OR9G4: variants seen among roughly 807,000 people sequenced by gnomAD.
The protein encoded by OR9G4 is olfactory receptor 9G4.
In OR9G4, 19 loss-of-function variants were observed where a neutral mutation model predicts 16.7. The observed-to-expected ratio is 1.14, with a 90% CI of 0.79 to 1.67. OR9G4 has a LOEUF of 1.67. OR9G4 is among the 40% of genes most tolerant of loss of function. The pLI, the probability that OR9G4 is intolerant of heterozygous loss-of-function variation, is 0.00. For missense variants in OR9G4, 428 were observed against 370.4 expected (o/e 1.16, Z -1.28); for synonymous variants, 182 against 146.2 (o/e 1.24, Z -1.76).
Position 56,742,664 on chromosome 11 carries a change from T to A in OR9G4, c.*164A>T, listed in dbSNP as rs1280878330. 5 of 632,098 alleles carry A rather than the reference T, an allele frequency of 7.9e-6. No homozygotes were observed. The East Asian group carries it at 1.4e-4, about 17-fold the overall frequency. 39.2% of individuals were successfully genotyped at this position (632,098 alleles called of 1,614,324 possible). A position where few individuals can be genotyped will look rare whatever the true frequency, so the allele number is the denominator to read the frequency against. ...ATAAGTTTTAAATATTACTTTGTTTTGTTTACATCATAACAAACGAATAAC... is the reference window on the plus strand; with the variant it reads ...ATAAGTTTTAAATATTACTTTGTTTAGTTTACATCATAACAAACGAATAAC... On this transcript the variant is annotated 3_prime_UTR_variant, in exon 2 of 2. Transcript: ENST00000641668.
intron 1 of OR9G4, 159 bp from the exon 2 acceptor site, chr11:56,743,947 G>A: frequency 1.3e-6 from 1 of 743,710 alleles, no homozygotes; most frequent in East Asian, 2.6e-5. Flanking sequence ...AAAATTACTG[G>A]AATTGGAGTC....
At position 56,743,274 on chromosome 11, in the gene OR9G4, G is replaced by A. The variant is rs145468151; in HGVS notation, c.493C>T (p.Arg165Cys). Residue 165 changes from arginine (R) to cysteine (C), a missense_variant, in exon 2 of 2, where the codon CGC becomes TGC. Transcript: ENST00000641668. Reference protein sequence around the residue: ...NAIAHTANTFRLHFCGKNIID... With the variant: ...NAIAHTANTFCLHFCGKNIID... Reference sequence around the variant, plus strand: ...ATATTTTTACCACAAAAATGCAGGCGGAATGTATTGGCAGTATGGGCTATG... The same window carrying A: ...ATATTTTTACCACAAAAATGCAGGCAGAATGTATTGGCAGTATGGGCTATG... 4.4e-4 allele frequency: 708 copies of A among 1,614,048 alleles called. No individual in the cohort carries two copies. The highest frequency in any genetic ancestry group is 5.5e-4 in the Non-Finnish European group (651 of 1,179,994).
Position 56,743,596 on chromosome 11 carries a change from T to A in OR9G4, c.171A>T (p.Thr57=). 1.2e-6 allele frequency: 2 copies of A among 1,613,888 alleles called. No individual in the cohort carries two copies. The highest frequency in any genetic ancestry group is 2.2e-5 in the South Asian group (2 of 91,066). Residue 57 remains threonine, a synonymous_variant, in exon 2 of 2, where the codon ACA becomes ACT. Coordinates refer to ENST00000641668, the MANE Select transcript of OR9G4 (RefSeq NM_001005284.2). ...ILIRTDSHLH[T]PMYFFIGNLS... ...GATTGCCAATGAAAAAGTACATAGG[T>A]GTATGCAAGTGGGAATCAGTTCGGA...
intron 1 of OR9G4, among the ~76,000 whole-genome samples, chr11:56,745,281 C>A (rs1858389137): frequency 6.6e-6 from 1 of 152,166 alleles, no homozygotes; most frequent in Non-Finnish European, 1.5e-5. Context: ...TTTTTGTCAA[C>A]TATTTCCATG....
At chr11:56,747,550 A>G (rs1858437112) in intron 1 of OR9G4, among the ~76,000 whole-genome samples, 1 of 152,150 alleles carries the variant, frequency 6.6e-6, no homozygotes, top group African/African-American at 2.4e-5. Flanking sequence ...TGTCTTGTTT[A>G]TTGCTGTATT....
chr11:56,747,997 T>C (rs1858447490), intron 1 of OR9G4, among the ~76,000 whole-genome samples: 1 of 152,100 alleles, frequency 6.6e-6, no homozygotes, highest in Non-Finnish European at 1.5e-5. Context: ...TCTAACCTGG[T>C]TCAAAATATT....
rs765653756 is a variant in OR9G4, at chr11:56,743,349, G to A, written c.418C>T (p.Leu140Phe). ...LLYSGTMSTA[L>F]CTGLVAGSYI... ...GAGCCAGCAACAAGCCCAGTACAGA[G>A]GGCGGTGGACATGGTACCTGAATAA... The change falls in exon 2 of 2, where the codon CTC becomes TTC. Residue 140 changes from leucine (L) to phenylalanine (F), a missense_variant. Physicochemically the swap from Leu to Phe is conservative, Grantham distance 22. Coordinates refer to ENST00000641668, the MANE Select transcript of OR9G4 (RefSeq NM_001005284.2). 6.2e-7 allele frequency: 1 copy of A among 1,614,068 alleles called. No homozygotes were observed. The highest frequency in any genetic ancestry group is 1.3e-5 in the African/African-American group (1 of 74,920).
At position 56,743,606 on chromosome 11, in the gene OR9G4, T is replaced by C. The variant is rs746287416; in HGVS notation, c.161A>G (p.His54Arg). 6.2e-7 allele frequency: 1 copy of C among 1,614,082 alleles called. No individual in the cohort carries two copies. The highest frequency in any genetic ancestry group is 2.2e-5 in the East Asian group (1 of 44,872). ...TLVILIRTDS[H>R]LHTPMYFFIG... ...GAAAAAGTACATAGGTGTATGCAAG[T>C]GGGAATCAGTTCGGATTAAGATAAC... The change falls in exon 2 of 2, where the codon CAC becomes CGC. Residue 54 changes from histidine (H) to arginine (R), a missense_variant. Transcript: ENST00000641668.
chr11:56,743,110 G>A lies in OR9G4; in HGVS notation c.657C>T (p.Val219=). 6.2e-7 allele frequency: 1 copy of A among 1,614,160 alleles called. No homozygotes were observed. Among genetic ancestry groups the A allele is most frequent in the South Asian group, 1.1e-5 (1 of 91,078 alleles). Residue 219 remains valine, a synonymous_variant, in exon 2 of 2, where the codon GTC becomes GTT. Coordinates refer to ENST00000641668, the MANE Select transcript of OR9G4 (RefSeq NM_001005284.2). ...SSILAILISY[V]NILLAILRIH... is the part of the protein sequence containing the mutation. ...TTCTCAGGATAGCCAGGAGGATGTT[G>A]ACATAGGAAATCAGGATAGCAAGAA...
At chr11:56,745,821 C>A (rs1476979800) in intron 1 of OR9G4, among the ~76,000 whole-genome samples, 1 of 151,672 alleles carries the variant, frequency 6.6e-6, no homozygotes, top group African/African-American at 2.4e-5. Context: ...CAATAGATAG[C>A]CTCACTTGTT....
rs34718198 is a variant in OR9G4 at position 56,743,233 on chromosome 11, GA to G, written c.533del (p.Phe178SerfsTer8). The G allele has an allele frequency of 6.2e-7, 1 of 1,614,144 alleles. No homozygotes were observed. On this transcript the variant is annotated frameshift_variant, in exon 2 of 2. Coordinates refer to ENST00000641668, the MANE Select transcript of OR9G4 (RefSeq NM_001005284.2). LOFTEE classifies it high-confidence loss of function. ...FCGKNIIDHF[F>X]CDAPPLVKMS... ...TTTTTACCAATGGTGGTGCATCACA[GA>G]AAAAGTGGTCAATGATATTTTTACC... is the stretch of plus-strand genomic sequence containing the variant.
chr11:56,741,960 G>T lies in OR9G4; in HGVS notation c.*868C>A, dbSNP rs1015268769. ...CATGTTTGATTTTTCAGGGTTTCAG[G>T]CATCGATCTAAACAAGTTTACCAGT... is the stretch of plus-strand genomic sequence containing the variant. On this transcript the variant is annotated 3_prime_UTR_variant, in exon 2 of 2. Coordinates refer to ENST00000641668, the MANE Select transcript of OR9G4 (RefSeq NM_001005284.2). 2 of 152,232 alleles carry T rather than the reference G, an allele frequency of 1.3e-5. No homozygotes were observed. The highest frequency in any genetic ancestry group is 2.9e-5 in the Non-Finnish European group (2 of 68,084). 9.4% of individuals were successfully genotyped at this position (152,232 alleles called of 1,614,324 possible).
In OR9G4 at chr11:56,742,675, TAACA is replaced by T; in HGVS notation, c.*149_*152del. On this transcript the variant is annotated 3_prime_UTR_variant, in exon 2 of 2. Transcript: ENST00000641668. ...ATATTACTTTGTTTTGTTTACATCA[TAACA>T]AACGAATAACAAGGAGTCATGTGGT... 1.5e-6 allele frequency: 1 copy of T among 673,266 alleles called. No individual in the cohort carries two copies. The highest frequency in any genetic ancestry group is 2.5e-6 in the Non-Finnish European group (1 of 397,970). 41.7% of individuals were successfully genotyped at this position (673,266 alleles called of 1,614,324 possible).
chr11:56,747,161 G>A (rs375737199), intron 1 of OR9G4, among the ~76,000 whole-genome samples: 3 of 149,320 alleles, frequency 2.0e-5, no homozygotes, highest in South Asian at 2.1e-4. Flanking sequence ...CAAATGTGCC[G>A]TCTCTGTCCC....
Position 56,743,632 on chromosome 11 carries a change from CAAG to C in OR9G4, c.132_134del (p.Leu45del). 1 of 1,613,942 alleles carries C rather than the reference CAAG, an allele frequency of 6.2e-7. No homozygotes were observed. Among genetic ancestry groups the C allele is most frequent in the South Asian group, 1.1e-5 (1 of 91,070 alleles). ...GGGAATCAGTTCGGATTAAGATAACCAAGGTCATGTTTCCTGACAAGGTTATCA... is the reference window on the plus strand; with the variant it reads ...GGGAATCAGTTCGGATTAAGATAACCGTCATGTTTCCTGACAAGGTTATCA... On this transcript the variant is annotated inframe_deletion, in exon 2 of 2. Transcript: ENST00000641668.
chr11:56,745,633 G>A lies in OR9G4; in HGVS notation c.-22-1845C>T, dbSNP rs115866386. Among the ~76,000 whole-genome samples, 1,078 of 152,144 alleles carry A rather than the reference G, an allele frequency of 7.1e-3. 11 individuals are homozygous for A. The highest frequency in any genetic ancestry group is 0.024 in the African/African-American group (1,013 of 41,508). ...TGTCTCTACTAAAAATCAGCCAGGC[G>A]TGGTGGTACACGGCTGTAATCCCAG... On this transcript the variant is annotated intron_variant, in intron 1 of 1. Coordinates refer to ENST00000641668, the MANE Select transcript of OR9G4 (RefSeq NM_001005284.2).
At chr11:56,745,398 G>C (rs898577482) in intron 1 of OR9G4, among the ~76,000 whole-genome samples, 2 of 152,114 alleles carry the variant, frequency 1.3e-5, no homozygotes, top group South Asian at 2.1e-4. Flanking sequence ...CCTCATCTCA[G>C]GAACACAATT....
At chr11:56,743,832 C>G (rs1205688463) in intron 1 of OR9G4, 44 bp from the exon 2 acceptor site, 2 of 1,586,736 alleles carry the variant, frequency 1.3e-6, no homozygotes, top group African/African-American at 1.4e-5. Flanking sequence ...TTTTTCTATT[C>G]ACACAAGTTG....
rs145468151 is a variant in OR9G4 at position 56,743,274 on chromosome 11, G to T, written c.493C>A (p.Arg165Ser). The T allele has an allele frequency of 2.5e-6, 4 of 1,613,932 alleles. No individual in the cohort carries two copies. Among genetic ancestry groups the T allele is most frequent in the African/African-American group, 2.7e-5 (2 of 74,886 alleles). The change falls in exon 2 of 2, where the codon CGC (arginine) becomes AGC (serine). Residue 165 changes from arginine to serine, a missense_variant. Arg to Ser is a moderately radical substitution (Grantham distance 110, BLOSUM62 -1). Transcript: ENST00000641668. ...NAIAHTANTF[R>S]LHFCGKNIID... ...ATATTTTTACCACAAAAATGCAGGC[G>T]GAATGTATTGGCAGTATGGGCTATG...
Sources: gnomAD v4.1 joint callset for allele counts (sites outside exome capture counted in the v4.1 genomes callset) on GRCh38, gnomAD v4.1.1 for gene constraint, MANE v1.5 for transcripts, NCBI Gene and HGNC (gene_info 2026-07-23, HGNC 2026-07-21) for gene names.